DZIP3: variants seen among roughly 807,000 people sequenced by gnomAD.
DZIP3 encodes the protein E3 ubiquitin-protein ligase DZIP3.
Under a neutral mutation model 162.0 loss-of-function variants are expected in DZIP3, and 118 were observed. The observed-to-expected ratio is 0.73, with a 90% CI of 0.63 to 0.85. The LOEUF (loss-of-function observed/expected upper bound fraction) is 0.85, where lower values mean the gene tolerates loss of function less well. Ranked by LOEUF, DZIP3 falls within the 40% of genes least tolerant of loss-of-function variation. The pLI is 0.00. For synonymous variants in DZIP3, 438 were observed against 458.6 expected (o/e 0.96, Z 0.57); for missense variants, 1,331 against 1,407.0 (o/e 0.95, Z 0.86).
intron 21 of DZIP3, among the ~76,000 whole-genome samples, chr3:108,666,776 A>T (rs902608672): frequency 2.0e-5 from 3 of 152,178 alleles, no homozygotes; most frequent in Admixed American, 2.0e-4. Context: ...AAACTATGCA[A>T]CCCATGTCTA....
rs778914746 is a variant in DZIP3, at chr3:108,690,827, C to T, written c.3557C>T (p.Thr1186Met). ...PWLMQQGTCP[T>M]CRLHVLLPEE... ...TTGATGCAACAGGGGACATGTCCAA[C>T]GTGCAGACTCCACGTTTTGCTACCA... The change falls in exon 32 of 33, where the codon ACG becomes ATG. Residue 1186 changes from threonine to methionine, a missense_variant. Physicochemically the swap from Thr to Met is moderately conservative, Grantham distance 81 (BLOSUM62 -1). This residue lies in a region of DZIP3 where 53 missense variants were observed against 89.9 expected (regional missense o/e 0.59). Coordinates refer to ENST00000361582, the MANE Select transcript of DZIP3 (RefSeq NM_014648.4). 1.1e-5 allele frequency: 18 copies of T among 1,613,988 alleles called. No individual in the cohort carries two copies. The highest frequency in any genetic ancestry group is 1.6e-4 in the Middle Eastern group (1 of 6,084).
At chr3:108,689,190 A>T (rs1031516504) in intron 31 of DZIP3, among the ~76,000 whole-genome samples, 9 of 152,236 alleles carry the variant, frequency 5.9e-5, no homozygotes, top group African/African-American at 9.6e-5. Flanking sequence ...TCCTTCGAAT[A>T]GAACTGGGAC....
chr3:108,610,654 C>G (rs922841764), intron 3 of DZIP3, among the ~76,000 whole-genome samples: 38 of 152,188 alleles, frequency 2.5e-4, no homozygotes, highest in African/African-American at 8.9e-4. Flanking sequence ...TCCATCTGTT[C>G]TAGGCCATTT....
intron 8 of DZIP3, among the ~76,000 whole-genome samples, chr3:108,631,097 A>G (rs1488751527): frequency 5.4e-5 from 2 of 36,842 alleles, no homozygotes; most frequent in African/African-American, 2.2e-4. Flanking sequence ...TCTCTCTCCT[A>G]TCCTACTGGT....
chr3:108,637,402 C>T, intron 11 of DZIP3, 94 bp from the exon 12 acceptor site: 1 of 1,106,474 alleles, frequency 9.0e-7, no homozygotes. Flanking sequence ...GCTTCACTCT[C>T]ATTGTATGTT....
intron 23 of DZIP3, 69 bp downstream of exon 23, chr3:108,672,725 A>G: frequency 8.5e-7 from 1 of 1,180,706 alleles, no homozygotes; most frequent in Non-Finnish European, 1.2e-6. Flanking sequence ...ATCATACTAA[A>G]GAATTTGTAA....
chr3:108,664,314 T>TG (rs1386107891), intron 21 of DZIP3, among the ~76,000 whole-genome samples: 1 of 152,194 alleles, frequency 6.6e-6, no homozygotes, highest in East Asian at 1.9e-4. Context: ...CACACACCAG[T>TG]GGCCCCACAC....
chr3:108,614,699 C>T (rs1940907064), intron 4 of DZIP3, among the ~76,000 whole-genome samples: 1 of 152,134 alleles, frequency 6.6e-6, no homozygotes, highest in African/African-American at 2.4e-5. Context: ...ATTCCCCCAT[C>T]ACCCCAGAAA....
chr3:108,616,297 T>TA (rs1553702549), intron 4 of DZIP3, among the ~76,000 whole-genome samples: 2 of 149,550 alleles, frequency 1.3e-5, no homozygotes, highest in South Asian at 2.1e-4. Context: ...AATAAATAAA[T>TA]AAATAAATAA....
intron 31 of DZIP3, among the ~76,000 whole-genome samples, chr3:108,690,163 T>TA (rs1268174600): frequency 3.3e-5 from 5 of 152,230 alleles, no homozygotes. Context: ...GGTCATTTTT[T>TA]ATGACTATAG....
At chr3:108,634,722 TG>T (rs1463875944) in intron 9 of DZIP3, 148 bp from the exon 10 acceptor site, 2 of 430,578 alleles carry the variant, frequency 4.6e-6, no homozygotes, top group Non-Finnish European at 8.2e-6. Context: ...TAAAGTTATT[TG>T]GTGATCTCTG....
At chr3:108,653,505 G>GTATATATATA (rs1216334552) in intron 18 of DZIP3, among the ~76,000 whole-genome samples, 4 of 67,818 alleles carry the variant, frequency 5.9e-5, no homozygotes, top group African/African-American at 1.2e-4. Flanking sequence ...TTGTGTGTGT[G>GTATATATATA]TGTATATATA....
intron 32 of DZIP3, among the ~76,000 whole-genome samples, chr3:108,692,440 CAT>C (rs961890331): frequency 6.6e-6 from 1 of 152,176 alleles, no homozygotes; most frequent in African/African-American, 2.4e-5. Context: ...AGGGACAGTT[CAT>C]ATGTTTCTGA....
chr3:108,613,286 T>C (rs1236901295), intron 4 of DZIP3, among the ~76,000 whole-genome samples: 2 of 152,142 alleles, frequency 1.3e-5, no homozygotes, highest in Non-Finnish European at 2.9e-5. Context: ...ATGCTAAGTC[T>C]AAAGTTCACA....
Position 108,622,180 on chromosome 3 carries a change from C to A in DZIP3, c.376-2264C>A, listed in dbSNP as rs546922919. ...CATTTTTGGGAGCCAAAAATTAAAA[C>A]AAGTGAACTCAAAAAAATAGCTAGT... On this transcript the variant is annotated intron_variant, in intron 5 of 32. Transcript: ENST00000361582. 2.0e-5 allele frequency among the ~76,000 whole-genome samples: 3 copies of A among 152,130 alleles called. No individual in the cohort carries two copies. The East Asian group carries it at 5.8e-4, about 29-fold the overall frequency.
At chr3:108,658,038 ATGGGAG>A (rs1377785243) in intron 19 of DZIP3, among the ~76,000 whole-genome samples, 1 of 110,500 alleles carries the variant, frequency 9.0e-6, no homozygotes, top group Non-Finnish European at 2.4e-5. Flanking sequence ...CACAATAATC[ATGGGAG>A]ACTTTAACAC....
At chr3:108,654,841 C>G (rs1182254323) in intron 19 of DZIP3, among the ~76,000 whole-genome samples, 1 of 151,906 alleles carries the variant, frequency 6.6e-6, no homozygotes, top group Non-Finnish European at 1.5e-5. Flanking sequence ...TGCTCAACAG[C>G]AAATGAAATA....
chr3:108,682,084 A>G (rs552304220), intron 26 of DZIP3, among the ~76,000 whole-genome samples: 9 of 148,004 alleles, frequency 6.1e-5, no homozygotes, highest in Non-Finnish European at 1.2e-4. Context: ...TAATAATTAG[A>G]AAAAAAAAGA....
chr3:108,621,874 A>C (rs548125183), intron 5 of DZIP3, among the ~76,000 whole-genome samples: 9 of 152,196 alleles, frequency 5.9e-5, no homozygotes, highest in Non-Finnish European at 1.2e-4. Flanking sequence ...CATCCAGATG[A>C]ATAAATAACG....
Sources: gnomAD v4.1 joint callset for allele counts (sites outside exome capture counted in the v4.1 genomes callset) on GRCh38, gnomAD v4.1.1 for gene constraint, gnomAD v4.1.1 regional missense constraint, MANE v1.5 for transcripts, NCBI Gene and HGNC (gene_info 2026-07-23, HGNC 2026-07-21) for gene names.